C21orf58: variants seen among roughly 807,000 people sequenced by gnomAD.
C21orf58 encodes the protein uncharacterized protein C21orf58.
Under a neutral mutation model 35.8 loss-of-function variants are expected in C21orf58, and 34 were observed. The ratio of observed to expected loss-of-function variants is 0.95; its 90% CI spans 0.72 to 1.26. The LOEUF (loss-of-function observed/expected upper bound fraction) is 1.26. Among genes scored for constraint, C21orf58 ranks in the 50% most tolerant of loss-of-function variants. The probability of loss-of-function intolerance (pLI) is 0.00; values close to 1 mark genes in which losing one functional copy is unlikely to be tolerated. For synonymous variants in C21orf58, 191 were observed against 175.8 expected (o/e 1.09, Z -0.68); for missense variants, 440 against 414.3 (o/e 1.06, Z -0.54).
intron 1 of C21orf58, chr21:46,318,481 GGCAGTCGTGACCCCCTAT>G: frequency 7.3e-7 from 1 of 1,371,560 alleles, no homozygotes; most frequent in Non-Finnish European, 9.4e-7. Flanking sequence ...CTGGGGGAAG[GGCAGTCGTGACCCCCTAT>G]GCACCACCAG....
At position 46,301,667 on chromosome 21, in the gene C21orf58, G is replaced by T; in HGVS notation, c.*332C>A. ...CGTCCACGGCCTCAACTTTACCTCC[G>T]TGATGGAAGAGGGGGATCTGAGGCT... On this transcript the variant is annotated 3_prime_UTR_variant, in exon 8 of 8. Transcript: ENST00000291691. 8.9e-7 allele frequency: 1 copy of T among 1,119,544 alleles called. No individual in the cohort carries two copies. The allele number at this position is 1,119,544 out of a possible 1,614,324, so 69.4% of individuals were successfully genotyped here. A position where few individuals can be genotyped will look rare whatever the true frequency, so the allele number is the denominator to read the frequency against.
At position 46,323,671 on chromosome 21, in the gene C21orf58, C is replaced by T. The variant is rs76328736; in HGVS notation, c.-933G>A. On this transcript the variant is annotated 5_prime_UTR_variant, in exon 1 of 8. Coordinates refer to ENST00000291691, the MANE Select transcript of C21orf58 (RefSeq NM_058180.5). ...CCCCTGAGATCCACCTCAGCAGCCT[C>T]CTCCGTGGTAGGCCTCAACTTCCCG... 0.047 allele frequency: 8,186 copies of T among 174,732 alleles called. 256 individuals carry two copies. The highest frequency in any genetic ancestry group is 0.095 in the Middle Eastern group (33 of 348). 10.8% of individuals were successfully genotyped at this position (174,732 alleles called of 1,614,324 possible).
In C21orf58 at chr21:46,317,595, G is replaced by GATC. The variant is rs565662017; in HGVS notation, c.310-330_310-328dup. ...AGGCTTCCCAGCCAGTGCATGCCTAGATCACCCCCCACCTGAACCCTGAGC... is the reference window on the plus strand; with the variant it reads ...AGGCTTCCCAGCCAGTGCATGCCTAGATCATCACCCCCCACCTGAACCCTGAGC... On this transcript the variant is annotated intron_variant, in intron 2 of 7. Coordinates refer to ENST00000291691, the MANE Select transcript of C21orf58 (RefSeq NM_058180.5). Among the ~76,000 whole-genome samples the GATC allele has an allele frequency of 1.3e-3, 197 of 152,358 alleles. 3 individuals are homozygous for GATC. Among genetic ancestry groups the GATC allele is most frequent in the South Asian group, 4.6e-3 (22 of 4,832 alleles).
intron 4 of C21orf58, 37 bp from the exon 5 acceptor site, chr21:46,314,917 G>T: frequency 6.5e-7 from 1 of 1,550,376 alleles, no homozygotes; most frequent in Non-Finnish European, 8.7e-7. Context: ...ACACGGGGAC[G>T]GGGAGCCCCA....
chr21:46,309,909 T>G (rs936063326), intron 6 of C21orf58, among the ~76,000 whole-genome samples: 1 of 151,650 alleles, frequency 6.6e-6, no homozygotes, highest in Non-Finnish European at 1.5e-5. Context: ...AGGCAGAGAA[T>G]TGCTTAAACC....
chr21:46,304,399 A>G (rs2082322040), intron 6 of C21orf58, among the ~76,000 whole-genome samples: 1 of 150,804 alleles, frequency 6.6e-6, no homozygotes, highest in Non-Finnish European at 1.5e-5. Flanking sequence ...AGGTGGGAGG[A>G]GTGCTTGAGC....
intron 6 of C21orf58, among the ~76,000 whole-genome samples, chr21:46,308,712 T>C (rs1178222562): frequency 6.6e-6 from 1 of 152,020 alleles, no homozygotes; most frequent in African/African-American, 2.4e-5. Context: ...TGTGGCAGTA[T>C]TGAGAGGTGG....
chr21:46,322,389 A>C (rs1287022703), intron 1 of C21orf58: 1 of 970,210 alleles, frequency 1.0e-6, no homozygotes, highest in Non-Finnish European at 1.2e-6. Flanking sequence ...TGAGGAACAC[A>C]GTCTAGGCAA....
chr21:46,303,112 C>A (rs540039900), intron 6 of C21orf58, among the ~76,000 whole-genome samples: 22 of 152,058 alleles, frequency 1.4e-4, no homozygotes, highest in African/African-American at 5.1e-4. Flanking sequence ...TGCGGTGAGC[C>A]AAGATCGTGC....
chr21:46,307,278 C>G (rs113953533), intron 6 of C21orf58, among the ~76,000 whole-genome samples: 3,294 of 152,282 alleles, frequency 0.022, 45 homozygotes, highest in Non-Finnish European at 0.029. Context: ...TCCCAAAGTG[C>G]TGGGATGACA....
At chr21:46,317,345 C>T in intron 2 of C21orf58, 77 bp from the exon 3 acceptor site, 1 of 1,561,632 alleles carries the variant, frequency 6.4e-7, no homozygotes. Flanking sequence ...GACTAAGAGG[C>T]TTTCTGAGTG....
rs915417393 is a variant in C21orf58 at position 46,301,235 on chromosome 21, G to A, written c.*764C>T. ...GAGCTCACTGCAGCTTCTAACTCCT[G>A]GGCTCAAGCAATCCTCCCACCTCAG... On this transcript the variant is annotated 3_prime_UTR_variant, in exon 8 of 8. Coordinates refer to ENST00000291691, the MANE Select transcript of C21orf58 (RefSeq NM_058180.5). 5 of 331,040 alleles carry A rather than the reference G, an allele frequency of 1.5e-5. No individual in the cohort carries two copies. In the East Asian group the frequency reaches 8.4e-4, roughly 56 times the overall value. The allele number at this position is 331,040 out of a possible 1,614,324, so 20.5% of individuals were successfully genotyped here.
intron 1 of C21orf58, among the ~76,000 whole-genome samples, chr21:46,321,515 A>G (rs1386867505): frequency 6.6e-6 from 1 of 152,190 alleles, no homozygotes; most frequent in Non-Finnish European, 1.5e-5. Flanking sequence ...TCCTTCTCAG[A>G]CTTTCCTCGT....
Position 46,322,764 on chromosome 21 carries a change from G to C in C21orf58, c.-26C>G, listed in dbSNP as rs775407953. 2 of 1,411,980 alleles carry C rather than the reference G, an allele frequency of 1.4e-6. No homozygotes were observed. The highest frequency in any genetic ancestry group is 1.9e-6 in the Non-Finnish European group (2 of 1,064,424). 87.5% of individuals were successfully genotyped at this position (1,411,980 alleles called of 1,614,324 possible). ...TGCGCTATAGCCTGGGCGTCGCAGC[G>C]AGACTGTCTCAAAAAAAGAAAAAAA... On this transcript the variant is annotated 5_prime_UTR_variant, in exon 1 of 8. Transcript: ENST00000291691.
At chr21:46,318,583 A>C in intron 1 of C21orf58, 1 of 1,156,832 alleles carries the variant, frequency 8.6e-7, no homozygotes, top group Non-Finnish European at 1.1e-6. Flanking sequence ...CCAGGGTGTT[A>C]ATACCTCCCT....
chr21:46,303,731 ATATATATATATATATTTTTT>A lies in C21orf58; in HGVS notation c.722-1175_722-1156del, dbSNP rs1367240681. On this transcript the variant is annotated intron_variant, in intron 6 of 7. Coordinates refer to ENST00000291691, the MANE Select transcript of C21orf58 (RefSeq NM_058180.5). ...AAAATATATATATATATATATATAT[ATATATATATATATATTTTTT>A]TTTTTTTTTTTTTTTTTGGAGACAG... Among the ~76,000 whole-genome samples, 185 of 28,432 alleles carry A rather than the reference ATATATATATATATATTTTTT, an allele frequency of 6.5e-3. 6 individuals carry two copies. The highest frequency in any genetic ancestry group is 0.036 in the Middle Eastern group (2 of 56). 18.7% of individuals were successfully genotyped at this position (28,432 alleles called of 152,430 possible).
At chr21:46,317,338 T>A in intron 2 of C21orf58, 70 bp from the exon 3 acceptor site, 1 of 1,570,278 alleles carries the variant, frequency 6.4e-7, no homozygotes, top group African/African-American at 1.3e-5. Context: ...CAGGAATGAC[T>A]AAGAGGCTTT....
chr21:46,321,650 G>A (rs1240749836), intron 1 of C21orf58, among the ~76,000 whole-genome samples: 3 of 152,204 alleles, frequency 2.0e-5, no homozygotes, highest in Non-Finnish European at 4.4e-5. Context: ...GAAGCATCTA[G>A]GGGTGAAGTG....
At chr21:46,303,730 T>A (rs1299548331) in intron 6 of C21orf58, among the ~76,000 whole-genome samples, 1 of 28,732 alleles carries the variant, frequency 3.5e-5, no homozygotes, top group Non-Finnish European at 6.6e-5. Context: ...TATATATATA[T>A]ATATATATAT....
Sources: allele counts gnomAD v4.1 joint callset (sites outside exome capture counted in the v4.1 genomes callset), GRCh38; gene constraint gnomAD v4.1.1; transcripts MANE v1.5; gene names NCBI Gene and HGNC (gene_info 2026-07-23, HGNC 2026-07-21).